The following WNK1 variants were observed in gnomAD, a reference collection of about 807,000 sequenced individuals.
WNK1 encodes serine/threonine-protein kinase WNK1.
In WNK1, 38 loss-of-function variants were observed where a neutral mutation model predicts 222.8. That is an observed-to-expected ratio of 0.17 (90% CI 0.13 to 0.22). The LOEUF (loss-of-function observed/expected upper bound fraction) is 0.22, where lower values mean the gene tolerates loss of function less well. Ranked by LOEUF, WNK1 falls within the 10% of genes least tolerant of loss-of-function variation. WNK1 has a pLI of 1.00. For missense variants in WNK1, 2,348 were observed against 2,918.4 expected, an observed-to-expected ratio of 0.80 and a Z score of 4.50; for synonymous variants, 1,090 against 1,092.9, an observed-to-expected ratio of 1.00 and a Z score of 0.05.
intron 1 of WNK1, among the ~76,000 whole-genome samples, chr12:769,186 G>T (rs1942150165): frequency 6.6e-6 from 1 of 151,692 alleles, no homozygotes; most frequent in South Asian, 2.1e-4. Flanking sequence ...CCCAGATTTG[G>T]CTAGAAGCTA....
At chr12:825,240 A>G (rs946777374) in intron 2 of WNK1, among the ~76,000 whole-genome samples, 8 of 152,172 alleles carry the variant, frequency 5.3e-5, no homozygotes, top group Non-Finnish European at 8.8e-5. Flanking sequence ...TATTTTTTAA[A>G]CCATAAAACC....
At chr12:812,042 G>A (rs1010855096) in intron 1 of WNK1, among the ~76,000 whole-genome samples, 2 of 152,060 alleles carry the variant, frequency 1.3e-5, no homozygotes, top group South Asian at 2.1e-4. Context: ...AATTAAATAC[G>A]GATTTTTGAT....
rs1171506650 is a variant in WNK1 at position 884,301 on chromosome 12, G to A, written c.3844+58G>A. Reference sequence around the variant, plus strand: ...AATTCTACAGTGCCTCTGCTATGTTGAAAGCTTAATCATAAAGCAGTAATT... The same window carrying A: ...AATTCTACAGTGCCTCTGCTATGTTAAAAGCTTAATCATAAAGCAGTAATT... On this transcript the variant is annotated intron_variant, in intron 18 of 27. Transcript: ENST00000315939. This position sits in a 1 kb window ranked among gnomAD's most constrained non-coding sequence, Gnocchi z 5.6. The A allele has an allele frequency of 1.4e-5, 23 of 1,610,282 alleles. No homozygotes were observed. Among genetic ancestry groups the A allele is most frequent in the Non-Finnish European group, 2.0e-5 (23 of 1,177,498 alleles).
chr12:824,754 C>T (rs892464533), intron 2 of WNK1, among the ~76,000 whole-genome samples: 5 of 151,874 alleles, frequency 3.3e-5, no homozygotes, highest in Admixed American at 1.3e-4. Context: ...GGAGGACTAA[C>T]GACAAATAAA....
At chr12:898,364 T>TCCCA (rs1954926001) in intron 25 of WNK1, among the ~76,000 whole-genome samples, 3 of 151,414 alleles carry the variant, frequency 2.0e-5, no homozygotes, top group Admixed American at 6.6e-5. Flanking sequence ...GCGCCTATAG[T>TCCCA]CCCAGCTACT....
chr12:878,165 C>T (rs139571559), intron 9 of WNK1, 47 bp from the exon 10 acceptor site: 13 of 1,610,718 alleles, frequency 8.1e-6, no homozygotes, highest in Admixed American at 1.7e-5. Context: ...TAGAAACATG[C>T]TGTTATTGAT....
intron 1 of WNK1, among the ~76,000 whole-genome samples, chr12:771,746 A>G (rs1408669936): frequency 1.3e-5 from 2 of 152,152 alleles, no homozygotes; most frequent in Admixed American, 1.3e-4. Context: ...TAACTGCTTT[A>G]TTTTAATAAA....
rs549115325 is a variant in WNK1 at position 887,520 on chromosome 12, C to T, written c.5364+216C>T. 7.2e-5 allele frequency among the ~76,000 whole-genome samples: 11 copies of T among 152,270 alleles called. No individual in the cohort carries two copies. In the South Asian group the frequency reaches 2.3e-3, roughly 32 times the overall value. On this transcript the variant is annotated intron_variant, in intron 20 of 27. Transcript: ENST00000315939. ...TGTTGCTTCCGGTTATCCAAAAACA[C>T]TTGATACTAATTTTTTTTTTATATC...
intron 8 of WNK1, among the ~76,000 whole-genome samples, 165 bp downstream of exon 8, chr12:862,435 G>A (rs535162984): frequency 6.6e-6 from 1 of 152,336 alleles, no homozygotes; most frequent in South Asian, 2.1e-4. Flanking sequence ...AGACATTAAT[G>A]TGTGGGCATT....
chr12:758,525 C>G (rs896330642), intron 1 of WNK1, among the ~76,000 whole-genome samples: 1 of 143,364 alleles, frequency 7.0e-6, no homozygotes, highest in Non-Finnish European at 1.6e-5. Context: ...GTAGCTGGGA[C>G]TACAGGCGCC....
At chr12:908,087 G>GA in intron 27 of WNK1, 53 bp downstream of exon 27, 2 of 1,597,840 alleles carry the variant, frequency 1.3e-6, no homozygotes, top group Non-Finnish European at 1.7e-6. Context: ...GAGTCAAGGT[G>GA]ATAGAAACAA....
intron 3 of WNK1, among the ~76,000 whole-genome samples, chr12:828,128 T>A (rs1376077663): frequency 1.3e-5 from 2 of 148,548 alleles, no homozygotes; most frequent in Non-Finnish European, 3.0e-5. Flanking sequence ...AGAAACCCCA[T>A]CTCTATTAAA....
intron 9 of WNK1, 133 bp from the exon 10 acceptor site, chr12:878,079 T>A: frequency 7.3e-6 from 8 of 1,092,564 alleles, no homozygotes; most frequent in Non-Finnish European, 1.1e-5. Flanking sequence ...TTGATGAATT[T>A]GGGTTTGTGC....
At chr12:832,834 G>A (rs976327110) in intron 4 of WNK1, among the ~76,000 whole-genome samples, 8 of 152,108 alleles carry the variant, frequency 5.3e-5, no homozygotes, top group East Asian at 1.9e-4. Flanking sequence ...GCTGAATGGG[G>A]GCAGGAGAAA....
Position 757,862 on chromosome 12 carries a change from C to A in WNK1, c.759+3538C>A, listed in dbSNP as rs184679849. Among the ~76,000 whole-genome samples the A allele has an allele frequency of 1.4e-4, 21 of 145,974 alleles. No individual in the cohort carries two copies. In the East Asian group the frequency reaches 4.1e-3, roughly 29 times the overall value. On this transcript the variant is annotated intron_variant, in intron 1 of 27. Coordinates refer to ENST00000315939, the MANE Select transcript of WNK1 (RefSeq NM_018979.4). ...AACAGCCTGGCCAACATGGCGAAAC[C>A]CCATCTCTACTAAAAATACAAAAAT...
intron 4 of WNK1, chr12:851,409 G>C (rs993448067): frequency 9.2e-7 from 1 of 1,082,902 alleles, no homozygotes; most frequent in Non-Finnish European, 1.1e-6. Flanking sequence ...ATCCCATTTT[G>C]CTTGTCTAGG....
intron 4 of WNK1, among the ~76,000 whole-genome samples, chr12:838,078 A>AGTGTGT (rs3072742): frequency 0.051 from 7,624 of 148,810 alleles, 380 homozygotes; most frequent in African/African-American, 0.13. Context: ...GTAATATTCC[A>AGTGTGT]GTGTGTGTGT....
At chr12:818,411 A>C (rs539301890) in intron 2 of WNK1, among the ~76,000 whole-genome samples, 1 of 152,194 alleles carries the variant, frequency 6.6e-6, no homozygotes, top group Non-Finnish European at 1.5e-5. Context: ...TTTGGGCTTC[A>C]GTTCCCCATG....
At chr12:815,030 T>TG (rs1947233317) in intron 2 of WNK1, among the ~76,000 whole-genome samples, 1 of 152,180 alleles carries the variant, frequency 6.6e-6, no homozygotes, top group South Asian at 2.1e-4. Flanking sequence ...AGAAATCTAA[T>TG]GCTGCTGACA....
Sources: allele counts gnomAD v4.1 joint callset (sites outside exome capture counted in the v4.1 genomes callset), GRCh38; gene constraint gnomAD v4.1.1; non-coding constraint Gnocchi (gnomAD v3.1); transcripts MANE v1.5; gene names NCBI Gene and HGNC (gene_info 2026-07-23, HGNC 2026-07-21).